The following ARL15 variants were observed in gnomAD, a reference collection of about 807,000 sequenced individuals.
The protein encoded by ARL15 is ADP-ribosylation factor-like protein 15.
ARL15 carries 19 observed loss-of-function variants against 25.2 expected under a neutral mutation model. That is an observed-to-expected ratio of 0.75 (90% confidence interval 0.53 to 1.10). The LOEUF is 1.10. Among genes scored for constraint, ARL15 ranks in the 50% least tolerant of loss-of-function variants. ARL15 has a pLI of 0.00. For missense variants in ARL15, 220 were observed against 246.0 expected (o/e 0.89, Z 0.71); for synonymous variants, 94 against 86.8 (o/e 1.08, Z -0.46).
Position 54,233,323 on chromosome 5 carries a change from C to T in ARL15, c.49-61395G>A, listed in dbSNP as rs10080091. Among the ~76,000 whole-genome samples the T allele has an allele frequency of 9.1e-3, 1,391 of 152,244 alleles. 21 individuals are homozygous for T. Among genetic ancestry groups the T allele is most frequent in the African/African-American group, 0.031 (1,268 of 41,542 alleles). On this transcript the variant is annotated intron_variant, in intron 1 of 4. Transcript: ENST00000504924. ...GACTTACAGGCAAACTATAATTATT[C>T]GAACTTGGGTATTTCACAGATATTT...
intron 4 of ARL15, among the ~76,000 whole-genome samples, chr5:53,994,814 A>C (rs1337812073): frequency 6.6e-6 from 1 of 152,128 alleles, no homozygotes; most frequent in Non-Finnish European, 1.5e-5. Context: ...TTAAATGAAA[A>C]CACACAAACC....
intron 4 of ARL15, among the ~76,000 whole-genome samples, chr5:54,053,561 C>G (rs1750766067): frequency 6.6e-6 from 1 of 152,122 alleles, no homozygotes; most frequent in South Asian, 2.1e-4. Context: ...AACACTACCT[C>G]AAGCAGGTGA....
At chr5:53,992,508 A>G (rs901599886) in intron 4 of ARL15, among the ~76,000 whole-genome samples, 2 of 152,220 alleles carry the variant, frequency 1.3e-5, no homozygotes, top group South Asian at 2.1e-4. Flanking sequence ...GTACCTACCC[A>G]AATGCATTTT....
chr5:54,079,229 C>T (rs999988536), intron 4 of ARL15, among the ~76,000 whole-genome samples: 1 of 152,104 alleles, frequency 6.6e-6, no homozygotes, highest in African/African-American at 2.4e-5. Context: ...CATCCCTTTG[C>T]TATGATTTCG....
intron 1 of ARL15, among the ~76,000 whole-genome samples, chr5:54,257,951 C>T (rs775422552): frequency 6.6e-6 from 1 of 151,984 alleles, no homozygotes; most frequent in African/African-American, 2.4e-5. Flanking sequence ...AGTGGAGGTA[C>T]GGGAACTGTT....
intron 4 of ARL15, among the ~76,000 whole-genome samples, chr5:54,021,161 C>T (rs1186849311): frequency 2.0e-5 from 3 of 151,966 alleles, no homozygotes; most frequent in Non-Finnish European, 4.4e-5. Context: ...CATGGAGAAA[C>T]CCTGTCTCTA....
At chr5:54,169,908 C>G (rs2112395778) in intron 2 of ARL15, among the ~76,000 whole-genome samples, 1 of 152,206 alleles carries the variant, frequency 6.6e-6, no homozygotes, top group African/African-American at 2.4e-5. Context: ...ATCCCCTTAT[C>G]CTTTCCCTCA....
chr5:54,021,746 G>C (rs998697405), intron 4 of ARL15, among the ~76,000 whole-genome samples: 1 of 152,018 alleles, frequency 6.6e-6, no homozygotes, highest in Non-Finnish European at 1.5e-5. Context: ...CCCAAATTTG[G>C]CAAAAAGACA....
In ARL15 at chr5:54,247,578, GA is replaced by G. The variant is rs1554050253; in HGVS notation, c.48+62853del. 8.8e-3 allele frequency among the ~76,000 whole-genome samples: 997 copies of G among 113,350 alleles called. 7 individuals are homozygous for G. Among genetic ancestry groups the G allele is most frequent in the Non-Finnish European group, 0.01 (569 of 55,068 alleles). 74.4% of individuals were successfully genotyped at this position (113,350 alleles called of 152,430 possible). A position where few individuals can be genotyped will look rare whatever the true frequency, so the allele number is the denominator to read the frequency against. The stretch of plus-strand genomic sequence containing the variant: ...CACAAAGAATGGGAGGAAAGGAAGA[GA>G]AAAAAAAAAAAAAAACCCGAACACG... On this transcript the variant is annotated intron_variant, in intron 1 of 4. Transcript: ENST00000504924.
chr5:54,118,241 C>T (rs1752965499), intron 3 of ARL15, among the ~76,000 whole-genome samples: 1 of 152,118 alleles, frequency 6.6e-6, no homozygotes, highest in Non-Finnish European at 1.5e-5. Context: ...GTTATTAAAT[C>T]ATGCCTCCCT....
intron 2 of ARL15, among the ~76,000 whole-genome samples, chr5:54,168,997 T>C (rs1382871863): frequency 6.6e-6 from 1 of 152,182 alleles, no homozygotes; most frequent in Non-Finnish European, 1.5e-5. Context: ...AAAAAGACAT[T>C]ATGCCAGGTT....
At chr5:53,994,323 A>G (rs1402402065) in intron 4 of ARL15, among the ~76,000 whole-genome samples, 4 of 152,216 alleles carry the variant, frequency 2.6e-5, no homozygotes, top group Admixed American at 6.5e-5. Flanking sequence ...AAATTCTTTC[A>G]TCATATTTAG....
At chr5:53,976,532 C>T (rs898268407) in intron 4 of ARL15, among the ~76,000 whole-genome samples, 1 of 152,082 alleles carries the variant, frequency 6.6e-6, no homozygotes, top group Non-Finnish European at 1.5e-5. Flanking sequence ...ATTTCCAGCA[C>T]AGAAAAAAAT....
intron 4 of ARL15, among the ~76,000 whole-genome samples, chr5:54,110,429 A>G (rs10513038): frequency 0.019 from 2,889 of 152,166 alleles, 91 homozygotes; most frequent in African/African-American, 0.064. Flanking sequence ...AATAATTTCA[A>G]TGGAGTGAGA....
At chr5:54,261,381 T>TTAAGC (rs1176570913) in intron 1 of ARL15, among the ~76,000 whole-genome samples, 1 of 152,164 alleles carries the variant, frequency 6.6e-6, no homozygotes, top group East Asian at 1.9e-4. Flanking sequence ...CTCAAATATA[T>TTAAGC]TAAGCTAACT....
chr5:54,077,749 A>C (rs1205656476), intron 4 of ARL15, among the ~76,000 whole-genome samples: 1 of 152,156 alleles, frequency 6.6e-6, no homozygotes. Context: ...TGTGAACCTT[A>C]ATCCAGGTAA....
intron 4 of ARL15, among the ~76,000 whole-genome samples, chr5:54,040,686 CT>C (rs1429471867): frequency 6.6e-6 from 1 of 152,060 alleles, no homozygotes; most frequent in Admixed American, 6.6e-5. Context: ...TTAGTAATTC[CT>C]TTAACTACCT....
intron 3 of ARL15, among the ~76,000 whole-genome samples, chr5:54,146,369 G>GT (rs1753911216): frequency 6.6e-6 from 1 of 152,000 alleles, no homozygotes; most frequent in Non-Finnish European, 1.5e-5. Flanking sequence ...AACTAGTTAC[G>GT]TTATACTTAA....
chr5:53,907,477 T>TATAC (rs1215286492), intron 4 of ARL15, among the ~76,000 whole-genome samples: 28 of 32,396 alleles, frequency 8.6e-4, no homozygotes, highest in African/African-American at 3.5e-3. Flanking sequence ...TATATATATA[T>TATAC]ATATATATAT....
Sources: allele counts gnomAD v4.1 joint callset (sites outside exome capture counted in the v4.1 genomes callset), GRCh38; gene constraint gnomAD v4.1.1; transcripts MANE v1.5; gene names NCBI Gene and HGNC (gene_info 2026-07-23, HGNC 2026-07-21).